Variants in RAB3C observed in about 807,000 individuals in gnomAD.
RAB3C encodes the protein RAB3C, member RAS oncogene family.
Under a neutral mutation model 26.4 loss-of-function variants are expected in RAB3C, and 17 were observed. The ratio of observed to expected loss-of-function variants is 0.64; its 90% CI spans 0.44 to 0.97. The LOEUF is 0.97. Among genes scored for constraint, RAB3C ranks in the 50% least tolerant of loss-of-function variants. RAB3C has a pLI of 0.00. For synonymous variants in RAB3C, 91 were observed against 95.9 expected (o/e 0.95, Z 0.30); for missense variants, 242 against 281.9 (o/e 0.86, Z 1.01).
At chr5:58,608,456 A>G (rs56245211) in intron 1 of RAB3C, among the ~76,000 whole-genome samples, 30,699 of 152,282 alleles carry the variant, frequency 0.2, 3,384 homozygotes, top group African/African-American at 0.28. Context: ...ATCACTGGCC[A>G]TCAGAGAAAT....
rs1382579436 is a variant in RAB3C at position 58,822,337 on chromosome 5, C to A, written c.372-2701C>A. On this transcript the variant is annotated intron_variant, in intron 3 of 4. Coordinates refer to ENST00000282878, the MANE Select transcript of RAB3C (RefSeq NM_138453.4). ...TAACCACTCTATGCCTCATTTTCCTCAACTGTAAAATGGGCATAATAATAT... is the reference window on the plus strand; with the variant it reads ...TAACCACTCTATGCCTCATTTTCCTAAACTGTAAAATGGGCATAATAATAT... Among the ~76,000 whole-genome samples the A allele has an allele frequency of 1.7e-4, 26 of 152,212 alleles. 1 individual carries two copies. The highest frequency in any genetic ancestry group is 1.7e-3 in the Admixed American group (26 of 15,282).
chr5:58,742,293 G>A (rs1197113596), intron 3 of RAB3C, among the ~76,000 whole-genome samples: 1 of 152,178 alleles, frequency 6.6e-6, no homozygotes, highest in African/African-American at 2.4e-5. Context: ...GCTAAGGCCA[G>A]TATGACAGGG....
intron 3 of RAB3C, among the ~76,000 whole-genome samples, chr5:58,734,654 C>T (rs1741096980): frequency 6.6e-6 from 1 of 152,176 alleles, no homozygotes; most frequent in Non-Finnish European, 1.5e-5. Context: ...CCTGTTTCCT[C>T]CGTTGTCTTT....
intron 2 of RAB3C, among the ~76,000 whole-genome samples, chr5:58,720,968 T>C (rs1740734909): frequency 6.6e-6 from 1 of 151,888 alleles, no homozygotes; most frequent in Non-Finnish European, 1.5e-5. Flanking sequence ...GAATGTTATT[T>C]CTGCATGACC....
At chr5:58,660,151 A>C (rs1747870989) in intron 2 of RAB3C, among the ~76,000 whole-genome samples, 1 of 150,208 alleles carries the variant, frequency 6.7e-6, no homozygotes, top group African/African-American at 2.5e-5. Context: ...GAAGAAATAA[A>C]ACAAAACAAA....
intron 2 of RAB3C, among the ~76,000 whole-genome samples, chr5:58,683,520 G>A (rs376283482): frequency 3.9e-5 from 6 of 152,056 alleles, no homozygotes; most frequent in African/African-American, 1.4e-4. Flanking sequence ...GGCTATAACC[G>A]GGTACCACAA....
chr5:58,821,347 A>G (rs2112053211), intron 3 of RAB3C, among the ~76,000 whole-genome samples: 1 of 152,352 alleles, frequency 6.6e-6, no homozygotes, highest in South Asian at 2.1e-4. Context: ...ACAAGAGATC[A>G]TTTCTTTTAA....
intron 2 of RAB3C, among the ~76,000 whole-genome samples, chr5:58,632,942 C>A (rs983622168): frequency 5.3e-5 from 8 of 152,202 alleles, no homozygotes; most frequent in African/African-American, 1.9e-4. Context: ...ACCTTCATCT[C>A]AGTTTTCTAT....
At chr5:58,621,435 G>T (rs1746935085) in intron 2 of RAB3C, among the ~76,000 whole-genome samples, 1 of 152,154 alleles carries the variant, frequency 6.6e-6, no homozygotes, top group African/African-American at 2.4e-5. Context: ...GGGCTAGTCT[G>T]GTTTCTACTA....
At chr5:58,815,302 C>CA (rs1447583265) in intron 3 of RAB3C, among the ~76,000 whole-genome samples, 16 of 152,164 alleles carry the variant, frequency 1.1e-4, no homozygotes, top group Admixed American at 9.8e-4. Flanking sequence ...CTCAGGCACT[C>CA]ACATTTGGAG....
At chr5:58,825,731 G>T (rs1249939892) in intron 4 of RAB3C, among the ~76,000 whole-genome samples, 1 of 152,136 alleles carries the variant, frequency 6.6e-6, no homozygotes, top group African/African-American at 2.4e-5. Flanking sequence ...ATATGAGAAA[G>T]TTTCAGAAAT....
chr5:58,613,771 T>C (rs1343327257), intron 1 of RAB3C, among the ~76,000 whole-genome samples: 2 of 152,090 alleles, frequency 1.3e-5, no homozygotes, highest in Non-Finnish European at 2.9e-5. Flanking sequence ...ACATGGGACT[T>C]TGAAAATCTG....
intron 2 of RAB3C, among the ~76,000 whole-genome samples, chr5:58,681,601 TTTA>T (rs1237613102): frequency 2.5e-4 from 38 of 152,224 alleles, no homozygotes; most frequent in African/African-American, 9.2e-4. Context: ...AGAACAAATC[TTTA>T]GTATGAACTG....
intron 1 of RAB3C, 129 bp from the exon 2 acceptor site, chr5:58,617,514 C>A: frequency 2.5e-6 from 2 of 809,828 alleles, no homozygotes; most frequent in Middle Eastern, 2.2e-4. Flanking sequence ...GGAGCACTCA[C>A]CACTCGCCTC....
At chr5:58,681,209 T>C (rs1367839669) in intron 2 of RAB3C, among the ~76,000 whole-genome samples, 1 of 152,232 alleles carries the variant, frequency 6.6e-6, no homozygotes, top group Non-Finnish European at 1.5e-5. Flanking sequence ...CCCATGTTTA[T>C]TTTATTTCAT....
intron 2 of RAB3C, among the ~76,000 whole-genome samples, chr5:58,706,736 T>G (rs1453180788): frequency 6.6e-6 from 1 of 152,214 alleles, no homozygotes; most frequent in Non-Finnish European, 1.5e-5. Context: ...ACATCCTTAA[T>G]GTTGTTCATT....
Position 58,820,982 on chromosome 5 carries a change from A to G in RAB3C, c.372-4056A>G, listed in dbSNP as rs930613210. Among the ~76,000 whole-genome samples the G allele has an allele frequency of 6.6e-5, 10 of 152,332 alleles. No homozygotes were observed. The East Asian group carries it at 1.9e-3, about 29-fold the overall frequency. On this transcript the variant is annotated intron_variant, in intron 3 of 4. Coordinates refer to ENST00000282878, the MANE Select transcript of RAB3C (RefSeq NM_138453.4). ...CATTCCATTAATTTGGTTAAGGGAC[A>G]TGAATCAGCTAGTAGGTTGTGAGTT... is the stretch of plus-strand genomic sequence containing the variant.
intron 3 of RAB3C, among the ~76,000 whole-genome samples, chr5:58,754,242 G>A (rs935401638): frequency 5.9e-5 from 9 of 152,072 alleles, no homozygotes; most frequent in Non-Finnish European, 1.3e-4. Flanking sequence ...TTATTATACT[G>A]CCTATGTCAT....
intron 3 of RAB3C, among the ~76,000 whole-genome samples, chr5:58,762,862 CG>C (rs1561122497): frequency 6.6e-6 from 1 of 151,886 alleles, no homozygotes; most frequent in African/African-American, 2.4e-5. Context: ...AGATAATTTT[CG>C]GAAAAAGGTA....
Sources: gnomAD v4.1 joint callset for allele counts (sites outside exome capture counted in the v4.1 genomes callset) on GRCh38, gnomAD v4.1.1 for gene constraint, MANE v1.5 for transcripts, NCBI Gene and HGNC (gene_info 2026-07-23, HGNC 2026-07-21) for gene names.